Variants in COX7B2 observed in about 807,000 individuals in gnomAD.
The protein encoded by COX7B2 is cytochrome c oxidase subunit 7B2.
For synonymous variants in COX7B2, 37 were observed against 32.1 expected (o/e 1.15, Z -0.51); for missense variants, 109 against 95.9 (o/e 1.14, Z -0.57).
At chr4:46,765,124 A>C (rs1333078728) in intron 2 of COX7B2, among the ~76,000 whole-genome samples, 3 of 152,126 alleles carry the variant, frequency 2.0e-5, no homozygotes, top group Admixed American at 6.6e-5. Context: ...GTCCACTCAC[A>C]GAAATCAATT....
chr4:46,768,375 C>T (rs545761422), intron 2 of COX7B2, among the ~76,000 whole-genome samples: 128 of 152,280 alleles, frequency 8.4e-4, no homozygotes, highest in Middle Eastern at 3.4e-3. Flanking sequence ...CTTCTCCTCT[C>T]GACATTTAGA....
intron 2 of COX7B2, among the ~76,000 whole-genome samples, chr4:46,797,291 C>T (rs1436622225): frequency 6.6e-6 from 1 of 151,998 alleles, no homozygotes; most frequent in African/African-American, 2.4e-5. Flanking sequence ...TGGACCCTGG[C>T]TCTGAACTGA....
chr4:46,874,005 T>C (rs1232347249), intron 1 of COX7B2, among the ~76,000 whole-genome samples: 1 of 152,204 alleles, frequency 6.6e-6, no homozygotes, highest in Non-Finnish European at 1.5e-5. Flanking sequence ...CTGAAATTGA[T>C]GTCCAATGGG....
At chr4:46,880,906 G>T (rs1251655699) in intron 1 of COX7B2, among the ~76,000 whole-genome samples, 1 of 146,734 alleles carries the variant, frequency 6.8e-6, no homozygotes, top group Non-Finnish European at 1.5e-5. Flanking sequence ...TGACACATTA[G>T]TGGGTGCAGC....
chr4:46,905,088 A>G (rs1720296290), intron 1 of COX7B2, among the ~76,000 whole-genome samples: 1 of 152,182 alleles, frequency 6.6e-6, no homozygotes, highest in Admixed American at 6.5e-5. Flanking sequence ...TTGATACAAG[A>G]TATAAATGAG....
intron 2 of COX7B2, among the ~76,000 whole-genome samples, chr4:46,785,405 GCT>G (rs1231370226): frequency 2.9e-4 from 42 of 143,740 alleles, no homozygotes; most frequent in Non-Finnish European, 5.3e-4. Context: ...ACGGAGTCTT[GCT>G]CTGTCACCCA....
chr4:46,872,878 T>G (rs1336111402), intron 1 of COX7B2, among the ~76,000 whole-genome samples: 2 of 152,138 alleles, frequency 1.3e-5, no homozygotes, highest in Non-Finnish European at 2.9e-5. Flanking sequence ...AACATGCAGT[T>G]TTGCTACATA....
At chr4:46,818,056 T>C (rs1258756048) in intron 2 of COX7B2, among the ~76,000 whole-genome samples, 1 of 152,202 alleles carries the variant, frequency 6.6e-6, no homozygotes, top group African/African-American at 2.4e-5. Context: ...ATTATGCTCA[T>C]TACAAAAGGT....
intron 1 of COX7B2, among the ~76,000 whole-genome samples, chr4:46,861,079 C>G (rs548983124): frequency 6.6e-6 from 1 of 152,276 alleles, no homozygotes; most frequent in South Asian, 2.1e-4. Flanking sequence ...GAGTCCTACC[C>G]GAGGGGGTTC....
chr4:46,807,772 A>C (rs1358780473), intron 2 of COX7B2, among the ~76,000 whole-genome samples: 1 of 151,788 alleles, frequency 6.6e-6, no homozygotes, highest in Non-Finnish European at 1.5e-5. Context: ...CCATCTTTTA[A>C]AGGAAGTATC....
intron 2 of COX7B2, among the ~76,000 whole-genome samples, chr4:46,821,568 C>A (rs1016893646): frequency 3.3e-5 from 5 of 152,178 alleles, no homozygotes; most frequent in Admixed American, 2.6e-4. Context: ...TTTAATTCTT[C>A]TGTGCAACAA....
At chr4:46,892,920 T>G (rs771608294) in intron 1 of COX7B2, among the ~76,000 whole-genome samples, 3 of 152,180 alleles carry the variant, frequency 2.0e-5, no homozygotes, top group South Asian at 2.1e-4. Flanking sequence ...TCTCAGGATA[T>G]CTGATGGTTT....
chr4:46,878,434 T>G (rs1379848091), intron 1 of COX7B2, among the ~76,000 whole-genome samples: 1 of 151,768 alleles, frequency 6.6e-6, no homozygotes, highest in Non-Finnish European at 1.5e-5. Flanking sequence ...ATAGGATAAT[T>G]TGCATGACTG....
chr4:46,800,863 A>G (rs1299952200), intron 2 of COX7B2, among the ~76,000 whole-genome samples: 1 of 152,168 alleles, frequency 6.6e-6, no homozygotes, highest in African/African-American at 2.4e-5. Flanking sequence ...CAAACTATGC[A>G]TTCAACAAAG....
intron 2 of COX7B2, among the ~76,000 whole-genome samples, chr4:46,839,918 T>A (rs1006980215): frequency 6.6e-6 from 1 of 152,062 alleles, no homozygotes; most frequent in African/African-American, 2.4e-5. Flanking sequence ...ACTTATACCA[T>A]TAACTTTTAA....
At chr4:46,839,344 C>G (rs1055122591) in intron 2 of COX7B2, among the ~76,000 whole-genome samples, 10 of 151,926 alleles carry the variant, frequency 6.6e-5, no homozygotes, top group Non-Finnish European at 1.5e-4. Flanking sequence ...TGCTTCAGTC[C>G]TCTTGTCAAT....
At chr4:46,863,723 G>T (rs751750074) in intron 1 of COX7B2, among the ~76,000 whole-genome samples, 6 of 151,996 alleles carry the variant, frequency 3.9e-5, no homozygotes, top group Non-Finnish European at 8.8e-5. Context: ...TTTCTCCTCT[G>T]GTTTTAACTC....
chr4:46,902,037 A>G (rs896110164), intron 1 of COX7B2, among the ~76,000 whole-genome samples: 12 of 152,238 alleles, frequency 7.9e-5, no homozygotes, highest in East Asian at 5.8e-4. Flanking sequence ...TCTTATTCCT[A>G]TATCTATCTC....
Position 46,898,211 on chromosome 4 carries a change from T to A in COX7B2, c.-105+10949A>T, listed in dbSNP as rs541865479. 3.9e-5 allele frequency among the ~76,000 whole-genome samples: 6 copies of A among 152,294 alleles called. No individual in the cohort carries two copies. The South Asian group carries it at 8.3e-4, about 21-fold the overall frequency. On this transcript the variant is annotated intron_variant, in intron 1 of 2. Transcript: ENST00000355591. ...TAACTTGCCACCTTCCCTTCCAAAT[T>A]TACATTATTTTCTCCAAATCCTCAA...
Sources: gnomAD v4.1 joint callset for allele counts (sites outside exome capture counted in the v4.1 genomes callset) on GRCh38, gnomAD v4.1.1 for gene constraint, MANE v1.5 for transcripts, NCBI Gene and HGNC (gene_info 2026-07-23, HGNC 2026-07-21) for gene names.